UBQLN1: variants seen among roughly 807,000 people sequenced by gnomAD.
UBQLN1 encodes ubiquilin-1.
Under a neutral mutation model 65.4 loss-of-function variants are expected in UBQLN1, and 13 were observed. The ratio of observed to expected loss-of-function variants is 0.20; its 90% confidence interval spans 0.13 to 0.32. The LOEUF is 0.32. UBQLN1 is among the 10% of genes least tolerant of loss of function. The pLI, the probability that UBQLN1 is intolerant of heterozygous loss-of-function variation, is 1.00. For missense variants in UBQLN1, 561 were observed against 724.0 expected, an observed-to-expected ratio of 0.77 and a Z score of 2.58; for synonymous variants, 267 against 247.8, an observed-to-expected ratio of 1.08 and a Z score of -0.73.
At chr9:83,665,605 T>G (rs1158479419) in intron 8 of UBQLN1, among the ~76,000 whole-genome samples, 2 of 152,350 alleles carry the variant, frequency 1.3e-5, no homozygotes, top group East Asian at 1.9e-4. Context: ...CGTTAATACA[T>G]GTATCCTGAG....
intron 1 of UBQLN1, among the ~76,000 whole-genome samples, chr9:83,701,757 C>A (rs908032958): frequency 6.6e-6 from 1 of 151,894 alleles, no homozygotes; most frequent in African/African-American, 2.4e-5. Flanking sequence ...AATAATTTGG[C>A]AGCTCCTCAT....
intron 1 of UBQLN1, among the ~76,000 whole-genome samples, chr9:83,703,288 C>T (rs575835503): frequency 3.9e-5 from 6 of 152,200 alleles, no homozygotes; most frequent in African/African-American, 1.2e-4. Context: ...GCTCCAAAAT[C>T]TGAAATTTTT....
intron 1 of UBQLN1, 78 bp downstream of exon 1, chr9:83,707,422 T>C: frequency 6.8e-7 from 1 of 1,462,464 alleles, no homozygotes. Flanking sequence ...TCCCAGGCCC[T>C]TCCAAAAGGT....
intron 1 of UBQLN1, among the ~76,000 whole-genome samples, chr9:83,690,392 C>T (rs1832107284): frequency 6.6e-6 from 1 of 152,016 alleles, no homozygotes; most frequent in African/African-American, 2.4e-5. Context: ...GGGACAAAAT[C>T]CATGGTGCCC....
intron 1 of UBQLN1, among the ~76,000 whole-genome samples, chr9:83,694,375 T>C (rs1331539990): frequency 1.3e-5 from 1 of 74,120 alleles, no homozygotes; most frequent in Non-Finnish European, 2.4e-5. Flanking sequence ...TTGCTAATAG[T>C]ATTTGAAAAA....
chr9:83,705,189 G>A lies in UBQLN1; in HGVS notation c.180+2311C>T, dbSNP rs991483234. On this transcript the variant is annotated intron_variant, in intron 1 of 10. Transcript: ENST00000376395. Reference sequence around the variant, plus strand: ...GGAACTCCCATGTATCTTCATTGGCGGGATGGTAAAATGATACAAGCATTT... The same window carrying A: ...GGAACTCCCATGTATCTTCATTGGCAGGATGGTAAAATGATACAAGCATTT... Among the ~76,000 whole-genome samples the A allele has an allele frequency of 1.1e-4, 17 of 151,598 alleles. 1 individual carries two copies. The highest frequency in any genetic ancestry group is 3.3e-4 in the Admixed American group (5 of 15,262).
In UBQLN1 at chr9:83,683,426, A is replaced by AG. The variant is rs975502193; in HGVS notation, c.333-361_333-360insC. Among the ~76,000 whole-genome samples the AG allele has an allele frequency of 4.0e-5, 6 of 151,242 alleles. No individual in the cohort carries two copies. In the East Asian group the frequency reaches 1.2e-3, roughly 29 times the overall value. On this transcript the variant is annotated intron_variant, in intron 2 of 10. Transcript: ENST00000376395. ...CGAGACTCCGTCTCAAAAAAAAAAA[A>AG]AAAAAAAAAAGAACCACTGAAATCC... is the stretch of plus-strand genomic sequence containing the variant.
rs1016770343 is a variant in UBQLN1 at position 83,669,036 on chromosome 9, A to G, written c.1248+149T>C. 35 of 877,560 alleles carry G rather than the reference A, an allele frequency of 4.0e-5. No homozygotes were observed. The African/African-American group carries it at 5.5e-4, about 14-fold the overall frequency. 54.4% of individuals were successfully genotyped at this position (877,560 alleles called of 1,614,324 possible). A position where few individuals can be genotyped will look rare whatever the true frequency, so the allele number is the denominator to read the frequency against. On this transcript the variant is annotated intron_variant, in intron 7 of 10. Transcript: ENST00000376395. The stretch of plus-strand genomic sequence containing the variant: ...GTATTAATTTACTGCAAAGAAACAC[A>G]CGGTCTAAAAAATTGGAGACACAGT...
chr9:83,675,112 TC>T (rs1221979499), intron 6 of UBQLN1, among the ~76,000 whole-genome samples: 1 of 152,192 alleles, frequency 6.6e-6, no homozygotes, highest in Non-Finnish European at 1.5e-5. Flanking sequence ...ACTTAACCAG[TC>T]AACTTCATGA....
intron 7 of UBQLN1, chr9:83,668,261 G>C (rs1180246230): frequency 1.0e-6 from 1 of 984,530 alleles, no homozygotes; most frequent in Non-Finnish European, 1.2e-6. Flanking sequence ...AAAGATACCT[G>C]AATCAATATA....
rs1359914358 is a variant in UBQLN1, at chr9:83,707,899, T to G, written c.-220A>C. The G allele has an allele frequency of 1.7e-6, 1 of 585,788 alleles. No individual in the cohort carries two copies. Among genetic ancestry groups the G allele is most frequent in the Non-Finnish European group, 2.8e-6 (1 of 360,006 alleles). 36.3% of individuals were successfully genotyped at this position (585,788 alleles called of 1,614,324 possible). The stretch of plus-strand genomic sequence containing the variant: ...CGGGTCAGGCGCTCGGCAGCCGCCG[T>G]GTGTTCAGGCGCCGCTCGCTCACAC... On this transcript the variant is annotated 5_prime_UTR_variant, in exon 1 of 11. Transcript: ENST00000376395.
chr9:83,672,671 G>A (rs1181210314), intron 6 of UBQLN1, among the ~76,000 whole-genome samples: 1 of 152,124 alleles, frequency 6.6e-6, no homozygotes, highest in African/African-American at 2.4e-5. Flanking sequence ...CACCACAACA[G>A]AATAATGAAA....
intron 6 of UBQLN1, among the ~76,000 whole-genome samples, chr9:83,672,100 C>A (rs1440576559): frequency 6.6e-6 from 1 of 152,196 alleles, no homozygotes; most frequent in Non-Finnish European, 1.5e-5. Context: ...GATTCCTTAC[C>A]TCTCAGCTTT....
intron 7 of UBQLN1, 122 bp from the exon 8 acceptor site, chr9:83,666,555 T>A: frequency 3.4e-6 from 3 of 877,822 alleles, no homozygotes; most frequent in South Asian, 1.8e-5. Context: ...AGGTAGAACA[T>A]AAATAAAAAA....
chr9:83,670,906 G>A (rs1401282114), intron 6 of UBQLN1, among the ~76,000 whole-genome samples: 1 of 152,166 alleles, frequency 6.6e-6, no homozygotes, highest in Non-Finnish European at 1.5e-5. Context: ...CTCCTCATCT[G>A]TACAAGTTTT....
At chr9:83,669,831 C>T (rs1396660538) in intron 6 of UBQLN1, among the ~76,000 whole-genome samples, 1 of 152,182 alleles carries the variant, frequency 6.6e-6, no homozygotes, top group Non-Finnish European at 1.5e-5. Context: ...ATGGTAGGCA[C>T]ATTTAACATT....
At chr9:83,674,290 T>C (rs1293837180) in intron 6 of UBQLN1, among the ~76,000 whole-genome samples, 1 of 152,158 alleles carries the variant, frequency 6.6e-6, no homozygotes, top group Non-Finnish European at 1.5e-5. Context: ...GAATATATTT[T>C]ACTAAATGAG....
At chr9:83,669,866 C>T (rs556406105) in intron 6 of UBQLN1, among the ~76,000 whole-genome samples, 2 of 152,258 alleles carry the variant, frequency 1.3e-5, no homozygotes, top group South Asian at 4.2e-4. Flanking sequence ...ACAGTGACTC[C>T]AAGCAGTATC....
At chr9:83,681,177 C>T (rs1470375550) in intron 3 of UBQLN1, among the ~76,000 whole-genome samples, 4 of 152,318 alleles carry the variant, frequency 2.6e-5, no homozygotes, top group South Asian at 4.1e-4. Context: ...CAGGGAATAC[C>T]TGGAAATAGA....
Sources: allele counts gnomAD v4.1 joint callset (sites outside exome capture counted in the v4.1 genomes callset), GRCh38; gene constraint gnomAD v4.1.1; transcripts MANE v1.5; gene names NCBI Gene and HGNC (gene_info 2026-07-23, HGNC 2026-07-21).